TRAM1: variants seen among roughly 807,000 people sequenced by gnomAD.
The protein encoded by TRAM1 is translocation associated membrane protein 1, also known as translocating chain-associated membrane protein 1.
Under a neutral mutation model 48.7 loss-of-function variants are expected in TRAM1, and 17 were observed. The ratio of observed to expected loss-of-function variants is 0.35; its 90% CI spans 0.24 to 0.52. The LOEUF (loss-of-function observed/expected upper bound fraction) is 0.52. Among genes scored for constraint, TRAM1 ranks in the 20% least tolerant of loss-of-function variants. The pLI is 0.94. For synonymous variants in TRAM1, 182 were observed against 154.0 expected (o/e 1.18, Z -1.34); for missense variants, 351 against 441.5 (o/e 0.79, Z 1.84).
chr8:70,593,689 G>A (rs761188518), intron 6 of TRAM1, among the ~76,000 whole-genome samples: 44 of 152,094 alleles, frequency 2.9e-4, no homozygotes, highest in Middle Eastern at 3.4e-3. Context: ...AAGAAGTGAT[G>A]TGCTGGGATT....
At chr8:70,577,278 G>A (rs1016098485) in intron 10 of TRAM1, among the ~76,000 whole-genome samples, 2 of 152,236 alleles carry the variant, frequency 1.3e-5, no homozygotes, top group African/African-American at 4.8e-5. Flanking sequence ...GCAGCAGGAG[G>A]CAGACAGGTT....
intron 6 of TRAM1, among the ~76,000 whole-genome samples, chr8:70,593,655 C>A (rs1235657683): frequency 2.7e-5 from 4 of 149,746 alleles, no homozygotes; most frequent in Non-Finnish European, 5.9e-5. Context: ...TTAATTTATC[C>A]GAGGGAAGAG....
At chr8:70,584,378 AG>A (rs1817157362) in intron 8 of TRAM1, among the ~76,000 whole-genome samples, 1 of 152,238 alleles carries the variant, frequency 6.6e-6, no homozygotes, top group African/African-American at 2.4e-5. Context: ...GGCACAAGAC[AG>A]GGATGGCCTC....
At chr8:70,579,941 C>G (rs1275256657) in intron 10 of TRAM1, among the ~76,000 whole-genome samples, 1 of 151,950 alleles carries the variant, frequency 6.6e-6, no homozygotes, top group African/African-American at 2.4e-5. Flanking sequence ...TTTTTCAGTA[C>G]CTGGATAGTA....
intron 1 of TRAM1, among the ~76,000 whole-genome samples, chr8:70,601,069 C>T (rs753279919): frequency 3.9e-5 from 6 of 152,118 alleles, no homozygotes; most frequent in Non-Finnish European, 5.9e-5. Context: ...ATGTTGAGGA[C>T]GGGAAAGTTC....
At chr8:70,584,620 G>A in intron 8 of TRAM1, among the ~76,000 whole-genome samples, 1 of 152,164 alleles carries the variant, frequency 6.6e-6, no homozygotes. Context: ...AAAATCACAA[G>A]CATTCTTATA....
At chr8:70,583,618 A>G (rs756359726) in intron 9 of TRAM1, 32 bp downstream of exon 9, 2 of 1,602,014 alleles carry the variant, frequency 1.2e-6, no homozygotes, top group South Asian at 1.1e-5. Flanking sequence ...ATCTAGCTGT[A>G]TAAAGTGAAA....
At chr8:70,605,963 G>A (rs1202479713) in intron 1 of TRAM1, among the ~76,000 whole-genome samples, 1 of 152,162 alleles carries the variant, frequency 6.6e-6, no homozygotes, top group African/African-American at 2.4e-5. Context: ...TATACTATGT[G>A]TCAGAATTTC....
Position 70,608,222 on chromosome 8 carries a change from G to A in TRAM1, c.-23C>T, listed in dbSNP as rs756362047. 2 of 1,577,346 alleles carry A rather than the reference G, an allele frequency of 1.3e-6. No individual in the cohort carries two copies. The highest frequency in any genetic ancestry group is 3.6e-5 in the Admixed American group (2 of 55,934). On this transcript the variant is annotated 5_prime_UTR_variant, in exon 1 of 11. Coordinates refer to ENST00000262213, the MANE Select transcript of TRAM1 (RefSeq NM_014294.6). ...CATGGTGGGGCCGCCGCCCGCGCCT[G>A]CAGGTGCTCCGCCCCGGTTCTGCTC...
chr8:70,578,902 G>A (rs1817016627), intron 10 of TRAM1, among the ~76,000 whole-genome samples: 1 of 152,180 alleles, frequency 6.6e-6, no homozygotes, highest in Admixed American at 6.5e-5. Flanking sequence ...CCCCTTATTT[G>A]CAGTGTTGCT....
In TRAM1 at chr8:70,579,630, GACTA is replaced by G. The variant is rs1237393101; in HGVS notation, c.1051+3530_1051+3533del. ...TTAATAGAGTAAAGAAAAACTCTAT[GACTA>G]ACTAAATCTTGCAGAAAAAGCATTT... On this transcript the variant is annotated intron_variant, in intron 10 of 10. Coordinates refer to ENST00000262213, the MANE Select transcript of TRAM1 (RefSeq NM_014294.6). Among the ~76,000 whole-genome samples the G allele has an allele frequency of 2.7e-4, 41 of 152,282 alleles. 1 individual carries two copies. The highest frequency in any genetic ancestry group is 9.4e-4 in the African/African-American group (39 of 41,572).
At chr8:70,576,027 C>T (rs1816939656) in intron 10 of TRAM1, among the ~76,000 whole-genome samples, 2 of 145,812 alleles carry the variant, frequency 1.4e-5, no homozygotes, top group South Asian at 2.2e-4. Context: ...GCTGAGATCG[C>T]GCCACTGCAC....
At chr8:70,576,070 AAAAAAAAAAG>A (rs375158383) in intron 10 of TRAM1, among the ~76,000 whole-genome samples, 42,981 of 131,286 alleles carry the variant, frequency 0.33, 8,144 homozygotes, top group Middle Eastern at 0.45. Flanking sequence ...GACTCCATCT[AAAAAAAAAAG>A]AAAAAAAAAA....
intron 1 of TRAM1, among the ~76,000 whole-genome samples, chr8:70,606,521 C>T (rs1185662210): frequency 1.3e-5 from 2 of 152,196 alleles, no homozygotes; most frequent in East Asian, 3.8e-4. Flanking sequence ...TACCTTCACA[C>T]CATATCATCT....
intron 6 of TRAM1, among the ~76,000 whole-genome samples, chr8:70,591,143 T>C (rs1384554672): frequency 6.6e-6 from 1 of 152,088 alleles, no homozygotes; most frequent in East Asian, 1.9e-4. Flanking sequence ...ACCATGAGTT[T>C]TATTTTATTT....
At chr8:70,597,759 G>A in intron 4 of TRAM1, 136 bp downstream of exon 4, 1 of 384,436 alleles carries the variant, frequency 2.6e-6, no homozygotes, top group Non-Finnish European at 4.4e-6. Flanking sequence ...AGTAAACATA[G>A]TTTAGAATTT....
intron 1 of TRAM1, among the ~76,000 whole-genome samples, chr8:70,600,737 G>A (rs568670577): frequency 1.3e-5 from 2 of 152,314 alleles, no homozygotes; most frequent in East Asian, 3.9e-4. Flanking sequence ...TTATAATACT[G>A]TAGAATAAGT....
intron 6 of TRAM1, among the ~76,000 whole-genome samples, chr8:70,592,120 C>T (rs1384335461): frequency 6.6e-6 from 1 of 152,124 alleles, no homozygotes; most frequent in Non-Finnish European, 1.5e-5. Flanking sequence ...AAACATTTGG[C>T]TATTTCATGA....
chr8:70,574,867 A>G lies in TRAM1; in HGVS notation c.*65T>C. On this transcript the variant is annotated 3_prime_UTR_variant, in exon 11 of 11. Transcript: ENST00000262213. ...TATTTTCAAGAACAGAAAAATCTCT[A>G]ATGCTGAAAGATATAGTAGAAAGCA... is the stretch of plus-strand genomic sequence containing the variant. 1 of 1,120,890 alleles carries G rather than the reference A, an allele frequency of 8.9e-7. No homozygotes were observed. The highest frequency in any genetic ancestry group is 2.4e-5 in the East Asian group (1 of 41,084). The allele number at this position is 1,120,890 out of a possible 1,614,324, so 69.4% of individuals were successfully genotyped here.
Sources: gnomAD v4.1 joint callset for allele counts (sites outside exome capture counted in the v4.1 genomes callset) on GRCh38, gnomAD v4.1.1 for gene constraint, MANE v1.5 for transcripts, NCBI Gene and HGNC (gene_info 2026-07-23, HGNC 2026-07-21) for gene names.